The following CDH13 variants were observed in gnomAD, a reference collection of about 807,000 sequenced individuals.
CDH13 encodes cadherin-13.
CDH13 carries 24 observed loss-of-function variants against 63.8 expected under a neutral mutation model. The observed-to-expected ratio is 0.38, with a 90% CI of 0.27 to 0.53. The LOEUF is 0.53. Ranked by LOEUF, CDH13 falls within the 20% of genes least tolerant of loss-of-function variation. The pLI, the probability that CDH13 is intolerant of heterozygous loss-of-function variation, is 0.85. For missense variants in CDH13, 1,049 were observed against 903.1 expected, an observed-to-expected ratio of 1.16 and a Z score of -2.07; for synonymous variants, 503 against 355.3, an observed-to-expected ratio of 1.42 and a Z score of -4.67.
At chr16:83,395,249 G>T (rs1008007807) in intron 6 of CDH13, among the ~76,000 whole-genome samples, 3 of 151,906 alleles carry the variant, frequency 2.0e-5, no homozygotes, top group African/African-American at 7.3e-5. Flanking sequence ...AGGAGGCGGA[G>T]GTTGCAGTGA....
chr16:83,535,547 G>T (rs2075166324), intron 7 of CDH13, among the ~76,000 whole-genome samples: 1 of 152,186 alleles, frequency 6.6e-6, no homozygotes, highest in Non-Finnish European at 1.5e-5. Context: ...CAGCTGACCA[G>T]CTCTGCTTTG....
At chr16:83,188,370 C>A (rs980461342) in intron 4 of CDH13, among the ~76,000 whole-genome samples, 5 of 151,998 alleles carry the variant, frequency 3.3e-5, no homozygotes, top group African/African-American at 1.2e-4. Context: ...AAAGATTTGT[C>A]GGGGGAAGTG....
chr16:83,601,802 G>A (rs1182222808), intron 7 of CDH13, among the ~76,000 whole-genome samples: 2 of 151,948 alleles, frequency 1.3e-5, no homozygotes, highest in South Asian at 2.1e-4. Context: ...AACATTAAAG[G>A]ACAACGTAGG....
At chr16:83,352,933 C>A (rs547349069) in intron 6 of CDH13, among the ~76,000 whole-genome samples, 4 of 152,228 alleles carry the variant, frequency 2.6e-5, no homozygotes, top group African/African-American at 7.2e-5. Flanking sequence ...ATGGCTTTGG[C>A]AACAATGTGG....
intron 4 of CDH13, among the ~76,000 whole-genome samples, chr16:83,149,546 T>C (rs1362640182): frequency 6.6e-6 from 1 of 152,200 alleles, no homozygotes; most frequent in Non-Finnish European, 1.5e-5. Context: ...AGGTACGTAT[T>C]AGGTAGGATA....
At chr16:83,292,422 C>T (rs1424186) in intron 5 of CDH13, among the ~76,000 whole-genome samples, 43,721 of 152,056 alleles carry the variant, frequency 0.29, 6,485 homozygotes, top group East Asian at 0.36. Context: ...CCTCTGCTGT[C>T]CTGCTAGCTG....
chr16:83,077,266 C>A (rs2032919321), intron 3 of CDH13, among the ~76,000 whole-genome samples: 1 of 127,190 alleles, frequency 7.9e-6, no homozygotes, highest in African/African-American at 3.0e-5. Flanking sequence ...AGTCTTGGCT[C>A]ACTGGACCTC....
At chr16:83,579,586 C>G (rs1441529832) in intron 7 of CDH13, among the ~76,000 whole-genome samples, 1 of 152,118 alleles carries the variant, frequency 6.6e-6, no homozygotes, top group African/African-American at 2.4e-5. Flanking sequence ...TCACCTCCCA[C>G]CAGGTTCCTC....
intron 2 of CDH13, among the ~76,000 whole-genome samples, chr16:82,930,050 T>A (rs2042438615): frequency 6.8e-6 from 1 of 147,768 alleles, no homozygotes; most frequent in South Asian, 2.2e-4. Flanking sequence ...TTTTTTTTTT[T>A]TTTTTTTTTT....
At position 83,773,683 on chromosome 16, in the gene CDH13, G is replaced by T. The variant is rs139655191; in HGVS notation, c.1682-6285G>T. On this transcript the variant is annotated intron_variant, in intron 11 of 13. Transcript: ENST00000567109. ...AGAGTCTGAAAGAAGCCCATCTAAA[G>T]TGTAGTCCAGCACAGGGGAAGGTTA... 1.7e-3 allele frequency among the ~76,000 whole-genome samples: 256 copies of T among 152,306 alleles called. 1 individual carries two copies. Among genetic ancestry groups the T allele is most frequent in the Non-Finnish European group, 2.9e-3 (199 of 68,026 alleles).
intron 1 of CDH13, among the ~76,000 whole-genome samples, chr16:82,733,462 C>T (rs1015248461): frequency 3.3e-5 from 5 of 152,234 alleles, no homozygotes; most frequent in African/African-American, 7.2e-5. Context: ...ATTATCTTCT[C>T]TGGGAAGAAT....
At chr16:83,373,614 T>A (rs1430051716) in intron 6 of CDH13, among the ~76,000 whole-genome samples, 2 of 152,170 alleles carry the variant, frequency 1.3e-5, no homozygotes, top group Non-Finnish European at 2.9e-5. Context: ...GCAGGCATCA[T>A]GCAAAGTGTA....
Position 83,271,434 on chromosome 16 carries a change from A to T in CDH13, c.636+53937A>T, listed in dbSNP as rs1317301824. 2.6e-4 allele frequency among the ~76,000 whole-genome samples: 33 copies of T among 129,110 alleles called. No individual in the cohort carries two copies. The South Asian group carries it at 3.4e-3, about 13-fold the overall frequency. 84.7% of individuals were successfully genotyped at this position (129,110 alleles called of 152,430 possible). A position where few individuals can be genotyped will look rare whatever the true frequency, so the allele number is the denominator to read the frequency against. Reference sequence around the variant, plus strand: ...GAGGCAGAGTTCATAAAAAAAAAAAAAAAAAAAAAAAAAAAAAATTCATGG... The same window carrying T: ...GAGGCAGAGTTCATAAAAAAAAAAATAAAAAAAAAAAAAAAAAATTCATGG... On this transcript the variant is annotated intron_variant, in intron 5 of 13. Coordinates refer to ENST00000567109, the MANE Select transcript of CDH13 (RefSeq NM_001257.5).
chr16:83,037,795 T>C (rs368080485), intron 3 of CDH13, among the ~76,000 whole-genome samples: 5 of 152,234 alleles, frequency 3.3e-5, no homozygotes, highest in East Asian at 3.8e-4. Context: ...TTACTCATTG[T>C]GTGACTTGGG....
intron 4 of CDH13, among the ~76,000 whole-genome samples, chr16:83,151,102 T>G (rs2036960207): frequency 1.3e-5 from 2 of 152,204 alleles, no homozygotes; most frequent in South Asian, 4.1e-4. Flanking sequence ...CCTTACTACC[T>G]TTATTCACCC....
chr16:83,440,759 T>C (rs1209898520), intron 6 of CDH13, among the ~76,000 whole-genome samples: 1 of 136,526 alleles, frequency 7.3e-6, no homozygotes, highest in Non-Finnish European at 1.5e-5. Flanking sequence ...CACTCCAGCC[T>C]GGGCAGCAGA....
intron 1 of CDH13, among the ~76,000 whole-genome samples, chr16:82,675,454 C>T (rs553206360): frequency 6.6e-6 from 1 of 152,200 alleles, no homozygotes; most frequent in African/African-American, 2.4e-5. Context: ...TTTTCCAGGA[C>T]CCAGTAAGCT....
chr16:82,810,562 G>A (rs751221769), intron 1 of CDH13, among the ~76,000 whole-genome samples: 7 of 152,162 alleles, frequency 4.6e-5, no homozygotes, highest in African/African-American at 7.2e-5. Context: ...TGTAAGTAGC[G>A]TGGCCGTGGA....
chr16:83,786,154 C>G (rs456537), intron 13 of CDH13, among the ~76,000 whole-genome samples: 66,019 of 151,942 alleles, frequency 0.43, 15,029 homozygotes, highest in Non-Finnish European at 0.51. Flanking sequence ...CAGAAGCTTA[C>G]AGAATTAAAA....
Sources: allele counts gnomAD v4.1 joint callset (sites outside exome capture counted in the v4.1 genomes callset), GRCh38; gene constraint gnomAD v4.1.1; transcripts MANE v1.5; gene names NCBI Gene and HGNC (gene_info 2026-07-23, HGNC 2026-07-21).